PIGN: variants seen among roughly 807,000 people sequenced by gnomAD.
PIGN encodes the protein GPI ethanolamine phosphate transferase 1.
Under a neutral mutation model 125.4 loss-of-function variants are expected in PIGN, and 117 were observed. The ratio of observed to expected loss-of-function variants is 0.93; its 90% CI spans 0.80 to 1.09. The LOEUF (loss-of-function observed/expected upper bound fraction) is 1.09, where lower values mean the gene tolerates loss of function less well. Ranked by LOEUF, PIGN falls within the 50% of genes least tolerant of loss-of-function variation. The pLI, the probability that PIGN is intolerant of heterozygous loss-of-function variation, is 0.00. For synonymous variants in PIGN, 392 were observed against 377.8 expected, an observed-to-expected ratio of 1.04 and a Z score of -0.44; for missense variants, 1,075 against 1,094.9, an observed-to-expected ratio of 0.98 and a Z score of 0.26.
chr18:62,154,510 T>C (rs750987464), intron 7 of PIGN, 35 bp downstream of exon 7: 10 of 973,470 alleles, frequency 1.0e-5, no homozygotes, highest in Non-Finnish European at 1.6e-5. Flanking sequence ...GGTAAAAATA[T>C]GCTTTTTGTA....
intron 1 of PIGN, among the ~76,000 whole-genome samples, chr18:62,181,817 C>A (rs2037728359): frequency 6.6e-6 from 1 of 152,106 alleles, no homozygotes; most frequent in Non-Finnish European, 1.5e-5. Context: ...ACCTCCACCT[C>A]CCGGGTTCAA....
intron 25 of PIGN, among the ~76,000 whole-genome samples, chr18:62,087,106 A>C (rs1175980323): frequency 6.6e-6 from 1 of 152,210 alleles, no homozygotes; most frequent in African/African-American, 2.4e-5. Flanking sequence ...TTTGCATAGA[A>C]GTGTCTACCA....
At chr18:62,127,082 G>A (rs2035560943) in intron 14 of PIGN, among the ~76,000 whole-genome samples, 1 of 152,104 alleles carries the variant, frequency 6.6e-6, no homozygotes, top group African/African-American at 2.4e-5. Flanking sequence ...GTGCCAGACT[G>A]CCTGGGTTCC....
chr18:62,124,983 G>A (rs1395246682), intron 14 of PIGN, among the ~76,000 whole-genome samples: 2 of 151,466 alleles, frequency 1.3e-5, no homozygotes, highest in African/African-American at 4.9e-5. Flanking sequence ...AAAAATCACT[G>A]CCAGAGCACA....
intron 30 of PIGN, among the ~76,000 whole-genome samples, chr18:62,055,885 C>T (rs1016098985): frequency 2.0e-5 from 3 of 151,250 alleles, no homozygotes; most frequent in African/African-American, 7.3e-5. Flanking sequence ...GCATCTCTAA[C>T]GTCTCATGCA....
intron 14 of PIGN, among the ~76,000 whole-genome samples, chr18:62,117,441 C>T (rs1335572935): frequency 1.3e-5 from 2 of 151,900 alleles, no homozygotes; most frequent in Non-Finnish European, 2.9e-5. Flanking sequence ...TACATATAAA[C>T]ATGGATAAAT....
intron 23 of PIGN, among the ~76,000 whole-genome samples, chr18:62,019,844 TC>T (rs1455648311): frequency 6.6e-6 from 1 of 152,236 alleles, no homozygotes; most frequent in Admixed American, 6.5e-5. Flanking sequence ...AAGACTGTGG[TC>T]CCTGACAGTC....
At chr18:62,081,177 C>T (rs1375433371) in intron 28 of PIGN, among the ~76,000 whole-genome samples, 1 of 151,958 alleles carries the variant, frequency 6.6e-6, no homozygotes, top group Admixed American at 6.6e-5. Flanking sequence ...ATATATCCAC[C>T]CCCATCTTAA....
chr18:62,053,541 C>T (rs2031485732), intron 30 of PIGN, among the ~76,000 whole-genome samples: 1 of 152,158 alleles, frequency 6.6e-6, no homozygotes, highest in South Asian at 2.1e-4. Flanking sequence ...GACCAAACCA[C>T]ATGCTGTCTA....
intron 3 of PIGN, among the ~76,000 whole-genome samples, chr18:62,161,953 CAT>C (rs2147632856): frequency 6.6e-6 from 1 of 152,058 alleles, no homozygotes; most frequent in South Asian, 2.1e-4. Context: ...GAGCAGGAAA[CAT>C]GTATTCTATC....
At chr18:62,167,226 A>ATC (rs1568251405) in intron 1 of PIGN, among the ~76,000 whole-genome samples, 35 of 133,182 alleles carry the variant, frequency 2.6e-4, no homozygotes, top group African/African-American at 9.2e-4. Flanking sequence ...TATATATAAA[A>ATC]TCTCTCTCTA....
intron 16 of PIGN, 185 bp downstream of exon 16, chr18:62,112,949 T>C (rs902793923): frequency 1.9e-5 from 10 of 538,772 alleles, no homozygotes; most frequent in Non-Finnish European, 3.2e-5. Context: ...TTATTATCAA[T>C]ATATCTTTTT....
intron 1 of PIGN, among the ~76,000 whole-genome samples, chr18:62,181,949 C>T (rs2147993997): frequency 6.6e-6 from 1 of 152,302 alleles, no homozygotes; most frequent in African/African-American, 2.4e-5. Context: ...TGGTCTCAAA[C>T]TCCTGACCTC....
intron 30 of PIGN, among the ~76,000 whole-genome samples, chr18:62,061,477 A>G (rs1329932633): frequency 1.4e-5 from 1 of 69,014 alleles, no homozygotes; most frequent in Non-Finnish European, 3.1e-5. Flanking sequence ...TGCAGTCCGC[A>G]TTCCGGCCTG....
intron 14 of PIGN, chr18:62,137,329 T>G: frequency 2.5e-6 from 1 of 403,132 alleles, no homozygotes; most frequent in East Asian, 3.6e-5. Flanking sequence ...CTTTTGAGGT[T>G]TTGGGACTCA....
intron 4 of PIGN, among the ~76,000 whole-genome samples, chr18:62,160,604 C>T (rs1033203417): frequency 4.0e-5 from 6 of 151,644 alleles, no homozygotes; most frequent in Non-Finnish European, 5.9e-5. Context: ...GCAACCTCTG[C>T]CTCGCAGGTT....
At chr18:62,149,062 T>A (rs1457827953) in intron 7 of PIGN, among the ~76,000 whole-genome samples, 1 of 152,186 alleles carries the variant, frequency 6.6e-6, no homozygotes, top group African/African-American at 2.4e-5. Flanking sequence ...TAAATTATTT[T>A]AAATAAGTTA....
chr18:62,069,481 A>G (rs2032716124), intron 30 of PIGN: 2 of 152,250 alleles, frequency 1.3e-5, no homozygotes, highest in Admixed American at 1.3e-4. Flanking sequence ...GCATATGCAT[A>G]TATACGTACA....
intron 20 of PIGN, 40 bp from the exon 21 acceptor site, chr18:62,102,942 AT>A: frequency 8.9e-7 from 1 of 1,122,092 alleles, no homozygotes; most frequent in South Asian, 1.6e-5. Context: ...TTCTTCAGAT[AT>A]TTACGAACAC....
Sources: gnomAD v4.1 joint callset for allele counts (sites outside exome capture counted in the v4.1 genomes callset) on GRCh38, gnomAD v4.1.1 for gene constraint, MANE v1.5 for transcripts, NCBI Gene and HGNC (gene_info 2026-07-23, HGNC 2026-07-21) for gene names.